Variants in GRM1 observed in about 807,000 individuals in gnomAD.
GRM1 encodes the protein metabotropic glutamate receptor 1.
Under a neutral mutation model 90.9 loss-of-function variants are expected in GRM1, and 33 were observed. The observed-to-expected ratio is 0.36, with a 90% CI of 0.28 to 0.49. The LOEUF (loss-of-function observed/expected upper bound fraction) is 0.49, where lower values mean the gene tolerates loss of function less well. Ranked by LOEUF, GRM1 falls within the 20% of genes least tolerant of loss-of-function variation. The probability of loss-of-function intolerance (pLI) is 0.99; values close to 1 mark genes in which losing one functional copy is unlikely to be tolerated. For missense variants in GRM1, 1,190 were observed against 1,534.3 expected (o/e 0.78, Z 3.75); for synonymous variants, 700 against 613.2 (o/e 1.14, Z -2.09).
intron 1 of GRM1, among the ~76,000 whole-genome samples, chr6:146,080,901 A>G (rs987867163): frequency 1.3e-5 from 2 of 152,208 alleles, no homozygotes; most frequent in African/African-American, 4.8e-5. Flanking sequence ...AGCCTTACAC[A>G]TTCCTACTGA....
rs535033809 is a variant in GRM1, at chr6:146,295,961, G to C, written c.951-8650G>C. Among the ~76,000 whole-genome samples the C allele has an allele frequency of 3.3e-5, 5 of 152,282 alleles. No homozygotes were observed. The East Asian group carries it at 9.7e-4, about 29-fold the overall frequency. ...TATAATTTAGCTCTCACTTATAAGT[G>C]AGAACATCCGGTATTTGGTTTTCTG... On this transcript the variant is annotated intron_variant, in intron 2 of 7. Transcript: ENST00000282753.
chr6:146,357,386 A>G (rs1785626314), intron 4 of GRM1, 140 bp from the exon 5 acceptor site: 2 of 703,864 alleles, frequency 2.8e-6, no homozygotes, highest in East Asian at 5.4e-5. Context: ...AAACATAAGA[A>G]ATAAGCTAAA....
chr6:146,078,391 A>G (rs1776257833), intron 1 of GRM1, among the ~76,000 whole-genome samples: 2 of 152,190 alleles, frequency 1.3e-5, no homozygotes. Flanking sequence ...GTGGAAATAC[A>G]TTGTTAAGAA....
At chr6:146,264,588 A>G (rs1340299787) in intron 2 of GRM1, among the ~76,000 whole-genome samples, 8 of 151,942 alleles carry the variant, frequency 5.3e-5, no homozygotes. Flanking sequence ...TGTTACATGA[A>G]CATATTGCAT....
chr6:146,062,276 A>G (rs12207644), intron 1 of GRM1, among the ~76,000 whole-genome samples: 55,796 of 151,526 alleles, frequency 0.37, 10,987 homozygotes, highest in Middle Eastern at 0.51. Context: ...TCTCACTCAT[A>G]AGTGGGAGAT....
intron 3 of GRM1, among the ~76,000 whole-genome samples, chr6:146,343,996 G>A (rs1279546671): frequency 1.3e-5 from 2 of 152,254 alleles, no homozygotes; most frequent in Admixed American, 6.5e-5. Flanking sequence ...AGGTATATAC[G>A]TATGCCAGAC....
intron 2 of GRM1, among the ~76,000 whole-genome samples, chr6:146,261,268 G>A (rs931827265): frequency 2.6e-5 from 4 of 152,124 alleles, no homozygotes. Context: ...AGAAGTGGGT[G>A]TTATGCAATG....
intron 2 of GRM1, among the ~76,000 whole-genome samples, chr6:146,205,125 G>A (rs1779449712): frequency 6.6e-6 from 1 of 152,126 alleles, no homozygotes; most frequent in Admixed American, 6.6e-5. Context: ...AGTGGCTTCA[G>A]GATAGTTTGG....
chr6:146,200,730 G>A (rs1175792842), intron 2 of GRM1, among the ~76,000 whole-genome samples: 1 of 152,092 alleles, frequency 6.6e-6, no homozygotes, highest in Non-Finnish European at 1.5e-5. Context: ...AGCATATGAA[G>A]GATAAGGGGA....
chr6:146,248,667 G>T (rs1470230103), intron 2 of GRM1, among the ~76,000 whole-genome samples: 2 of 152,172 alleles, frequency 1.3e-5, no homozygotes, highest in African/African-American at 4.8e-5. Context: ...CTAATACAAA[G>T]AATTGGTACA....
At chr6:146,326,008 C>A (rs1222640072) in intron 3 of GRM1, among the ~76,000 whole-genome samples, 1 of 152,144 alleles carries the variant, frequency 6.6e-6, no homozygotes, top group Admixed American at 6.5e-5. Context: ...AGTAAGCACA[C>A]ATTTAGTTAT....
intron 2 of GRM1, among the ~76,000 whole-genome samples, chr6:146,169,959 T>C (rs1012789381): frequency 4.6e-5 from 7 of 152,224 alleles, no homozygotes; most frequent in African/African-American, 1.7e-4. Flanking sequence ...CACGTGGTTT[T>C]GATTTGTCTT....
chr6:146,315,763 T>TGA (rs1783944552), intron 3 of GRM1, among the ~76,000 whole-genome samples: 1 of 152,324 alleles, frequency 6.6e-6, no homozygotes, highest in East Asian at 1.9e-4. Context: ...CTGTCCAAGT[T>TGA]GAGAGCCTGC....
chr6:146,305,928 C>T (rs184317541), intron 3 of GRM1, among the ~76,000 whole-genome samples: 3 of 152,156 alleles, frequency 2.0e-5, no homozygotes, highest in South Asian at 4.2e-4. Context: ...TAGAGGACAA[C>T]GAGTTTTTGC....
chr6:146,080,754 C>G (rs1229957884), intron 1 of GRM1, among the ~76,000 whole-genome samples: 1 of 152,074 alleles, frequency 6.6e-6, no homozygotes, highest in Non-Finnish European at 1.5e-5. Context: ...TTTGTGTGTT[C>G]CCAACTGTGG....
At chr6:146,118,086 T>TATA (rs1156478550) in intron 1 of GRM1, among the ~76,000 whole-genome samples, 1 of 151,754 alleles carries the variant, frequency 6.6e-6, no homozygotes, top group African/African-American at 2.4e-5. Flanking sequence ...TGTATGTCTT[T>TATA]ATATATCTGA....
At chr6:146,243,479 C>T (rs543128863) in intron 2 of GRM1, among the ~76,000 whole-genome samples, 7 of 152,024 alleles carry the variant, frequency 4.6e-5, no homozygotes, top group East Asian at 3.9e-4. Flanking sequence ...CTAAAAATGA[C>T]GAGAATGGGG....
intron 1 of GRM1, among the ~76,000 whole-genome samples, chr6:146,146,150 G>A (rs1351107785): frequency 6.6e-5 from 4 of 60,742 alleles, no homozygotes; most frequent in East Asian, 1.2e-3. Flanking sequence ...GAGACGTGGC[G>A]CCATCTCGGT....
chr6:146,391,458 G>A (rs1776718930), intron 6 of GRM1, among the ~76,000 whole-genome samples: 1 of 152,056 alleles, frequency 6.6e-6, no homozygotes, highest in Admixed American at 6.6e-5. Flanking sequence ...CCCCTTTTGA[G>A]TTCTGAGGTT....
Sources: allele counts gnomAD v4.1 joint callset (sites outside exome capture counted in the v4.1 genomes callset), GRCh38; gene constraint gnomAD v4.1.1; transcripts MANE v1.5; gene names NCBI Gene and HGNC (gene_info 2026-07-23, HGNC 2026-07-21).